The following FCHSD2 variants were observed in gnomAD, a reference collection of about 807,000 sequenced individuals.
FCHSD2 encodes FCH and double SH3 domains 2, also known as F-BAR and double SH3 domains protein 2.
FCHSD2 carries 38 observed loss-of-function variants against 108.1 expected under a neutral mutation model. That is an observed-to-expected ratio of 0.35 (90% CI 0.27 to 0.46). The LOEUF (loss-of-function observed/expected upper bound fraction) is 0.46, where lower values mean the gene tolerates loss of function less well. Among genes scored for constraint, FCHSD2 ranks in the 20% least tolerant of loss-of-function variants. FCHSD2 has a pLI of 1.00. For missense variants in FCHSD2, 751 were observed against 897.8 expected, an observed-to-expected ratio of 0.84 and a Z score of 2.09; for synonymous variants, 279 against 314.7, an observed-to-expected ratio of 0.89 and a Z score of 1.20.
intron 8 of FCHSD2, among the ~76,000 whole-genome samples, chr11:72,948,619 C>T (rs188555206): frequency 2.6e-5 from 4 of 151,878 alleles, no homozygotes; most frequent in African/African-American, 9.7e-5. Context: ...AAAATTTTAA[C>T]TTACCATTTT....
intron 8 of FCHSD2, chr11:72,940,812 A>G (rs930971617): frequency 2.3e-6 from 2 of 862,880 alleles, no homozygotes; most frequent in Non-Finnish European, 3.9e-6. Flanking sequence ...CAGAGGAGTG[A>G]GCTGGATGCC....
intron 2 of FCHSD2, among the ~76,000 whole-genome samples, chr11:73,137,207 A>C (rs531527807): frequency 6.6e-6 from 1 of 152,276 alleles, no homozygotes; most frequent in Non-Finnish European, 1.5e-5. Flanking sequence ...GAAAAAAAAA[A>C]GCAAATCAGA....
chr11:72,861,307 A>G (rs970572523), intron 13 of FCHSD2, among the ~76,000 whole-genome samples: 3 of 152,020 alleles, frequency 2.0e-5, no homozygotes, highest in African/African-American at 7.2e-5. Flanking sequence ...ATTCCTTAAA[A>G]GAGACAACTT....
In FCHSD2 at chr11:72,889,860, C is replaced by A; in HGVS notation, c.1010G>T (p.Arg337Leu). Reference protein sequence around the residue: ...EARKWATRVAREHKNIVHQQR... With the variant: ...EARKWATRVALEHKNIVHQQR... ...TTGGTGAACAATGTTTTTATGCTCA[C>A]GTGCCACACGTGTGGCCCATTTTCG... Residue 337 changes from arginine to leucine, a missense_variant, in exon 11 of 20, where the codon CGT (arginine) becomes CTT (leucine). By Grantham distance (102) the Arg-to-Leu change is moderately radical. Coordinates refer to ENST00000409418, the MANE Select transcript of FCHSD2 (RefSeq NM_014824.3). The A allele has an allele frequency of 6.2e-7, 1 of 1,611,564 alleles. No homozygotes were observed. Among genetic ancestry groups the A allele is most frequent in the Non-Finnish European group, 8.5e-7 (1 of 1,177,708 alleles).
At chr11:72,861,054 GA>G (rs1861559920) in intron 13 of FCHSD2, among the ~76,000 whole-genome samples, 1 of 151,892 alleles carries the variant, frequency 6.6e-6, no homozygotes, top group Non-Finnish European at 1.5e-5. Context: ...ATAAAATCCT[GA>G]GTAGAAATCA....
At chr11:72,948,636 T>C (rs1390778159) in intron 8 of FCHSD2, among the ~76,000 whole-genome samples, 1 of 151,512 alleles carries the variant, frequency 6.6e-6, no homozygotes, top group Non-Finnish European at 1.5e-5. Context: ...TTTTAATGGA[T>C]ACAATTAAGA....
intron 5 of FCHSD2, among the ~76,000 whole-genome samples, chr11:72,997,989 G>A (rs372155918): frequency 3.9e-4 from 59 of 152,006 alleles, no homozygotes; most frequent in African/African-American, 1.4e-3. Context: ...TACCACTCCC[G>A]TCCCCAAAAG....
intron 16 of FCHSD2, 148 bp downstream of exon 16, chr11:72,843,003 T>C (rs555714802): frequency 1.1e-6 from 1 of 892,138 alleles, no homozygotes; most frequent in South Asian, 1.7e-5. Flanking sequence ...AGGGTTCTAC[T>C]GTGCAGGACA....
intron 10 of FCHSD2, among the ~76,000 whole-genome samples, chr11:72,893,859 T>C (rs924345881): frequency 6.6e-6 from 1 of 152,184 alleles, no homozygotes; most frequent in Non-Finnish European, 1.5e-5. Context: ...GAAATCAGCA[T>C]TCCAATATTC....
chr11:72,841,558 G>C lies in FCHSD2; in HGVS notation c.1952C>G (p.Ala651Gly). The C allele has an allele frequency of 1.2e-6, 2 of 1,610,102 alleles. No individual in the cohort carries two copies. The highest frequency in any genetic ancestry group is 2.2e-5 in the South Asian group (2 of 90,234). The change falls in exon 18 of 20, where the codon GCC becomes GGC. Residue 651 changes from alanine (A) to glycine (G), a missense_variant. Physicochemically the swap from Ala to Gly is moderately conservative, Grantham distance 60. Coordinates refer to ENST00000409418, the MANE Select transcript of FCHSD2 (RefSeq NM_014824.3). The stretch of plus-strand genomic sequence containing the variant: ...GTACAACGGCAGTGGAGGCAGGGAG[G>C]CGTGTGGCTTGGGGGAAGGAGAGAT... ...IQISPSPKPH[A>G]SLPPLPLYDQ... is the part of the protein sequence containing the mutation.
chr11:73,098,927 T>G (rs1468184110), intron 2 of FCHSD2, among the ~76,000 whole-genome samples: 2 of 152,020 alleles, frequency 1.3e-5, no homozygotes, highest in African/African-American at 4.8e-5. Flanking sequence ...TCATCAAAAT[T>G]TAAATCCAGG....
chr11:72,845,231 G>A (rs1861089461), intron 14 of FCHSD2, among the ~76,000 whole-genome samples: 1 of 151,912 alleles, frequency 6.6e-6, no homozygotes, highest in Non-Finnish European at 1.5e-5. Context: ...GACCGGCCTG[G>A]GCAACATGGC....
intron 11 of FCHSD2, among the ~76,000 whole-genome samples, 173 bp downstream of exon 11, chr11:72,889,656 T>G (rs1237825107): frequency 2.0e-5 from 3 of 152,180 alleles, no homozygotes; most frequent in Non-Finnish European, 2.9e-5. Context: ...GAAGCTGCAG[T>G]AAGCCATGTT....
rs1383521985 is a variant in FCHSD2 at position 73,035,618 on chromosome 11, T to C, written c.166-19733A>G. On this transcript the variant is annotated intron_variant, in intron 3 of 19. Coordinates refer to ENST00000409418, the MANE Select transcript of FCHSD2 (RefSeq NM_014824.3). ...TTAAGTGCTTAATACCTTCATCTAT[T>C]CAATAAGTACTTACTGAGAATTTTC... 9.2e-5 allele frequency among the ~76,000 whole-genome samples: 14 copies of C among 152,286 alleles called. No individual in the cohort carries two copies. In the East Asian group the frequency reaches 1.7e-3, roughly 19 times the overall value.
intron 12 of FCHSD2, among the ~76,000 whole-genome samples, chr11:72,886,117 G>C (rs888896011): frequency 6.6e-6 from 1 of 152,138 alleles, no homozygotes; most frequent in African/African-American, 2.4e-5. Context: ...CATTAGTTTA[G>C]TTTAAACCTA....
At chr11:73,087,753 A>C (rs1859858107) in intron 2 of FCHSD2, among the ~76,000 whole-genome samples, 1 of 152,110 alleles carries the variant, frequency 6.6e-6, no homozygotes, top group African/African-American at 2.4e-5. Context: ...GCCTAAGTGT[A>C]TAGTGTAATA....
At chr11:72,843,108 G>A (rs1228746091) in intron 16 of FCHSD2, 43 bp downstream of exon 16, 1 of 1,595,510 alleles carries the variant, frequency 6.3e-7, no homozygotes, top group Admixed American at 1.7e-5. Context: ...TACAGTTTAG[G>A]TCAAACGTGA....
intron 2 of FCHSD2, among the ~76,000 whole-genome samples, chr11:73,138,896 C>A (rs1236138454): frequency 2.0e-5 from 3 of 152,202 alleles, no homozygotes; most frequent in Admixed American, 6.5e-5. Flanking sequence ...GTGTCAGTGA[C>A]TGCGCACGGC....
chr11:72,963,053 T>C (rs1856845392), intron 8 of FCHSD2, among the ~76,000 whole-genome samples: 1 of 152,152 alleles, frequency 6.6e-6, no homozygotes, highest in South Asian at 2.1e-4. Flanking sequence ...GGGATAATAA[T>C]AGCACCTACT....
Sources: gnomAD v4.1 joint callset for allele counts (sites outside exome capture counted in the v4.1 genomes callset) on GRCh38, gnomAD v4.1.1 for gene constraint, MANE v1.5 for transcripts, NCBI Gene and HGNC (gene_info 2026-07-23, HGNC 2026-07-21) for gene names.